Variants in NLRC5 observed in about 807,000 individuals in gnomAD.
The protein encoded by NLRC5 is protein NLRC5.
NLRC5 carries 114 observed loss-of-function variants against 206.9 expected under a neutral mutation model. The observed-to-expected ratio is 0.55, with a 90% CI of 0.47 to 0.64. The LOEUF (loss-of-function observed/expected upper bound fraction) is 0.64. Ranked by LOEUF, NLRC5 falls within the 30% of genes least tolerant of loss-of-function variation. NLRC5 has a pLI of 0.00. For synonymous variants in NLRC5, 952 were observed against 962.8 expected, an observed-to-expected ratio of 0.99 and a Z score of 0.21; for missense variants, 2,008 against 2,305.5, an observed-to-expected ratio of 0.87 and a Z score of 2.64.
chr16:57,060,375 C>T (rs1232745811), intron 30 of NLRC5, among the ~76,000 whole-genome samples: 2 of 151,620 alleles, frequency 1.3e-5, no homozygotes, highest in Non-Finnish European at 2.9e-5. Flanking sequence ...CACACACACG[C>T]CCTACACACC....
intron 10 of NLRC5, among the ~76,000 whole-genome samples, chr16:57,030,614 AGATGGATGGATGGATGGATG>A (rs66917392): frequency 6.4e-5 from 9 of 141,246 alleles, no homozygotes; most frequent in African/African-American, 1.1e-4. Context: ...GTGTGTGAAA[AGATGGATGGATGGATGGATG>A]GATGGATGGA....
At chr16:57,038,081 T>C (rs1388724533) in intron 15 of NLRC5, among the ~76,000 whole-genome samples, 1 of 152,054 alleles carries the variant, frequency 6.6e-6, no homozygotes. Context: ...GCTGTAGGGA[T>C]GTTCACCTCA....
intron 1 of NLRC5, among the ~76,000 whole-genome samples, chr16:57,006,274 C>T (rs757159606): frequency 3.3e-5 from 5 of 152,198 alleles, no homozygotes; most frequent in Non-Finnish European, 7.4e-5. Flanking sequence ...GCTGGGATTA[C>T]AGGCATGAGC....
chr16:57,007,371 T>C (rs1224856997), intron 1 of NLRC5, among the ~76,000 whole-genome samples: 1 of 152,240 alleles, frequency 6.6e-6, no homozygotes, highest in Non-Finnish European at 1.5e-5. Flanking sequence ...ATCTTTTTAG[T>C]TCTAATGTAT....
In NLRC5 at chr16:57,026,911, C is replaced by A; in HGVS notation, c.1968C>A (p.Asn656Lys). Residue 656 changes from asparagine (N) to lysine (K), a missense_variant, in exon 6 of 49, where the codon AAC becomes AAA. Physicochemically the swap from Asn to Lys is moderately conservative, Grantham distance 94. Transcript: ENST00000688547. Reference protein sequence around the residue: ...LTCTDLATLTNILEHREAPIH... With the variant: ...LTCTDLATLTKILEHREAPIH... The stretch of plus-strand genomic sequence containing the variant: ...GCACCGACCTGGCCACCCTGACCAA[C>A]ATCCTAGAGCACAGGGAGGCCCCCA... 1 of 1,614,232 alleles carries A rather than the reference C, an allele frequency of 6.2e-7. No homozygotes were observed. The highest frequency in any genetic ancestry group is 8.5e-7 in the Non-Finnish European group (1 of 1,180,048).
At chr16:57,031,568 G>A in intron 11 of NLRC5, 105 bp downstream of exon 11, 1 of 1,077,972 alleles carries the variant, frequency 9.3e-7, no homozygotes, top group Non-Finnish European at 1.4e-6. Flanking sequence ...GCTGGGGTAT[G>A]GGAATTCTTC....
chr16:56,993,592 G>A (rs1333646591), intron 1 of NLRC5, among the ~76,000 whole-genome samples: 20 of 152,140 alleles, frequency 1.3e-4, no homozygotes, highest in Non-Finnish European at 2.2e-4. Flanking sequence ...ACCAGCTGGA[G>A]GGGGAGGGGC....
At position 57,077,393 on chromosome 16, in the gene NLRC5, C is replaced by T; in HGVS notation, c.4919+14C>T. 6.2e-7 allele frequency: 1 copy of T among 1,612,184 alleles called. No individual in the cohort carries two copies. Among genetic ancestry groups the T allele is most frequent in the South Asian group, 1.1e-5 (1 of 91,018 alleles). On this transcript the variant is annotated intron_variant, in intron 41 of 48. Coordinates refer to ENST00000688547, the MANE Select transcript of NLRC5 (RefSeq NM_001384950.1). The stretch of plus-strand genomic sequence containing the variant: ...CAGGAAGATAGAGTGAGTAGCCAGC[C>T]CTACAGAGGAGGGCCACAGGGGTCA...
chr16:57,079,055 C>T lies in NLRC5; in HGVS notation c.5087C>T (p.Pro1696Leu). The change falls in exon 44 of 49, where the codon CCA (proline) becomes CTA (leucine). Residue 1696 changes from proline (P) to leucine (L), a missense_variant. Physicochemically the swap from Pro to Leu is moderately conservative, Grantham distance 98 (BLOSUM62 -3). Transcript: ENST00000688547. ...ACCCTCTCCTCTTTCCCCAGCCTAC[C>T]ATTCAGCCATCTGGGCCCAGGTGGG... Reference protein sequence around the residue: ...LPQHLRVLHLPFSHLGPGGAL... With the variant: ...LPQHLRVLHLLFSHLGPGGAL... 1.2e-6 allele frequency: 2 copies of T among 1,614,008 alleles called. No homozygotes were observed. Among genetic ancestry groups the T allele is most frequent in the Non-Finnish European group, 1.7e-6 (2 of 1,179,882 alleles).
intron 12 of NLRC5, 135 bp downstream of exon 12, chr16:57,033,804 C>A (rs2062166884): frequency 3.7e-6 from 3 of 814,340 alleles, no homozygotes; most frequent in Admixed American, 2.1e-5. Flanking sequence ...GGGTGTGGTG[C>A]CCATCCTGGA....
Position 57,045,657 on chromosome 16 carries a change from C to G in NLRC5, c.3248+165C>G, listed in dbSNP as rs577751608. On this transcript the variant is annotated intron_variant, in intron 21 of 48. Coordinates refer to ENST00000688547, the MANE Select transcript of NLRC5 (RefSeq NM_001384950.1). Reference sequence around the variant, plus strand: ...CCACTTCAGTAACCACCGCCCCCCCCATAAATTGTCAGTAATCAACTGCCC... The same window carrying G: ...CCACTTCAGTAACCACCGCCCCCCCGATAAATTGTCAGTAATCAACTGCCC... 2.5e-4 allele frequency among the ~76,000 whole-genome samples: 38 copies of G among 152,300 alleles called. No homozygotes were observed. In the East Asian group the frequency reaches 5.2e-3, roughly 21 times the overall value.
At chr16:57,032,456 A>C (rs1465556712) in intron 11 of NLRC5, among the ~76,000 whole-genome samples, 1 of 151,116 alleles carries the variant, frequency 6.6e-6, no homozygotes, top group Non-Finnish European at 1.5e-5. Context: ...TGTGATGCTC[A>C]GTAGGATAGC....
At position 56,999,967 on chromosome 16, in the gene NLRC5, CCTGCGTT is replaced by C. The variant is rs202108100; in HGVS notation, c.-128+10353_-128+10359del. 8.9e-3 allele frequency among the ~76,000 whole-genome samples: 1,361 copies of C among 152,292 alleles called. 12 individuals carry two copies. Among genetic ancestry groups the C allele is most frequent in the African/African-American group, 0.031 (1,290 of 41,548 alleles). On this transcript the variant is annotated intron_variant, in intron 1 of 48. Coordinates refer to ENST00000688547, the MANE Select transcript of NLRC5 (RefSeq NM_001384950.1). ...CCGGGAGCTTCCAAAAGTGCCAGTG[CCTGCGTT>C]CTACCTCCTGGGATGGTGCTGTGAT... is the stretch of plus-strand genomic sequence containing the variant.
intron 1 of NLRC5, chr16:57,004,128 G>A (rs2058634116): frequency 6.6e-6 from 1 of 152,626 alleles, no homozygotes. Context: ...CGTGAGGTAG[G>A]GAAGCAGGAT....
intron 1 of NLRC5, chr16:57,013,739 C>T (rs561904550): frequency 2.1e-5 from 15 of 723,264 alleles, no homozygotes; most frequent in South Asian, 1.4e-4. Flanking sequence ...GTCAACAATA[C>T]GTTTACAATT....
At chr16:57,042,480 G>A (rs2063409095) in intron 19 of NLRC5, among the ~76,000 whole-genome samples, 1 of 152,120 alleles carries the variant, frequency 6.6e-6, no homozygotes, top group Non-Finnish European at 1.5e-5. Flanking sequence ...CTCAAGCAGG[G>A]TGCCCAGGGC....
intron 30 of NLRC5, 65 bp downstream of exon 30, chr16:57,059,597 C>T: frequency 1.4e-6 from 2 of 1,437,960 alleles, no homozygotes; most frequent in South Asian, 1.4e-5. Flanking sequence ...CTATGGCGGC[C>T]TCCATGGCCC....
rs1050696667 is a variant in NLRC5, at chr16:57,045,601, C to G, written c.3248+109C>G. On this transcript the variant is annotated intron_variant, in intron 21 of 48. Transcript: ENST00000688547. Reference sequence around the variant, plus strand: ...GCTGACCACTCAGCTCTCAGTTAAACCACCCAAGTCCGGCACACTAGGTTT... The same window carrying G: ...GCTGACCACTCAGCTCTCAGTTAAAGCACCCAAGTCCGGCACACTAGGTTT... 2.8e-5 allele frequency: 27 copies of G among 978,390 alleles called. No individual in the cohort carries two copies. In the East Asian group the frequency reaches 6.2e-4, roughly 22 times the overall value. 60.6% of individuals were successfully genotyped at this position (978,390 alleles called of 1,614,324 possible).
In NLRC5 at chr16:57,026,970, C is replaced by T. The variant is rs1350694199; in HGVS notation, c.2027C>T (p.Pro676Leu). The T allele has an allele frequency of 6.2e-7, 1 of 1,614,024 alleles. No individual in the cohort carries two copies. Among genetic ancestry groups the T allele is most frequent in the African/African-American group, 1.3e-5 (1 of 74,914 alleles). Reference sequence around the variant, plus strand: ...GATTTTGATGGCTGTCCCCTGGAGCCCCACTGCCCTGAGGCTCTGGTAGGC... The same window carrying T: ...GATTTTGATGGCTGTCCCCTGGAGCTCCACTGCCCTGAGGCTCTGGTAGGC... ...HLDFDGCPLE[P>L]HCPEALVGCG... Residue 676 changes from proline (P) to leucine (L), a missense_variant, in exon 6 of 49, where the codon CCC (proline) becomes CTC (leucine). Pro to Leu is a moderately conservative substitution (Grantham distance 98, BLOSUM62 -3). Coordinates refer to ENST00000688547, the MANE Select transcript of NLRC5 (RefSeq NM_001384950.1).
Sources: allele counts gnomAD v4.1 joint callset (sites outside exome capture counted in the v4.1 genomes callset), GRCh38; gene constraint gnomAD v4.1.1; transcripts MANE v1.5; gene names NCBI Gene and HGNC (gene_info 2026-07-23, HGNC 2026-07-21).